ZNF550: variants seen among roughly 807,000 people sequenced by gnomAD.
The protein encoded by ZNF550 is zinc finger protein 550.
A neutral mutation model predicts 40.2 loss-of-function variants in ZNF550; 42 were observed. The observed-to-expected ratio is 1.05, with a 90% CI of 0.82 to 1.35. The LOEUF is 1.35. Ranked by LOEUF, ZNF550 falls within the 40% of genes most tolerant of loss-of-function variation. The pLI is 0.00. For synonymous variants in ZNF550, 223 were observed against 198.6 expected, an observed-to-expected ratio of 1.12 and a Z score of -1.03; for missense variants, 549 against 525.2, an observed-to-expected ratio of 1.05 and a Z score of -0.44.
chr19:57,545,580 T>C (rs2090001286), intron 4 of ZNF550, among the ~76,000 whole-genome samples: 1 of 152,138 alleles, frequency 6.6e-6, no homozygotes, highest in Non-Finnish European at 1.5e-5. Context: ...GTGAGAGTGC[T>C]GAGCATTTGA....
intron 3 of ZNF550, among the ~76,000 whole-genome samples, chr19:57,551,751 A>G (rs1267425321): frequency 6.6e-6 from 1 of 152,238 alleles, no homozygotes; most frequent in Non-Finnish European, 1.5e-5. Flanking sequence ...GGGAGAGCCC[A>G]TGACTCAGTG....
At position 57,552,703 on chromosome 19, in the gene ZNF550, T is replaced by C. The variant is rs759978088; in HGVS notation, c.174A>G (p.Pro58=). ...CATGCTCTAGCAGGTGGACCAACTC[T>C]GGTTTGGGAACCCGATGCCCTGTTG... Residue 58 remains proline, a synonymous_variant, in exon 3 of 5, where the codon CCA becomes CCG. Transcript: ENST00000457177. 3.4e-5 allele frequency: 55 copies of C among 1,598,150 alleles called. 1 individual carries two copies. In the South Asian group the frequency reaches 5.1e-4, roughly 15 times the overall value.
chr19:57,549,825 G>A (rs2090056932), intron 3 of ZNF550, among the ~76,000 whole-genome samples: 2 of 152,286 alleles, frequency 1.3e-5, no homozygotes, highest in Middle Eastern at 3.4e-3. Flanking sequence ...GCTGTGTCAG[G>A]AGGCACAATG....
At chr19:57,546,508 A>G (rs2090011142) in exon 4 of ZNF550, 1 of 989,180 alleles carries the variant, frequency 1.0e-6, no homozygotes, top group South Asian at 4.6e-5. Context: ...AGGTGGGTCA[A>G]ATTCCAGCAT....
At position 57,545,661 on chromosome 19, in the gene ZNF550, G is replaced by T. The variant is rs1462845930; in HGVS notation, c.*518+796C>A. 4.0e-5 allele frequency among the ~76,000 whole-genome samples: 6 copies of T among 150,152 alleles called. No homozygotes were observed. The East Asian group carries it at 1.2e-3, about 29-fold the overall frequency. ...ACTTTAGGAGGCTAAGCAGGATGAT[G>T]ACTTGAGTCTAGCAGTTTGAGACAA... On this transcript the variant is annotated intron_variant, in intron 4 of 4. Coordinates refer to ENST00000457177, the Ensembl canonical transcript of ZNF550.
chr19:57,556,335 A>C, exon 2 of ZNF550: 1 of 1,613,894 alleles, frequency 6.2e-7, no homozygotes, highest in Non-Finnish European at 8.5e-7. Context: ...GGTCACAGCC[A>C]CATCCTTGAA....
At chr19:57,547,342 G>C in exon 4 of ZNF550, 1 of 1,613,274 alleles carries the variant, frequency 6.2e-7, no homozygotes, top group East Asian at 2.2e-5. Context: ...GCGAATAAAA[G>C]TAGACCGGTG....
chr19:57,548,448 A>G (rs2090044067), intron 3 of ZNF550, among the ~76,000 whole-genome samples: 1 of 152,244 alleles, frequency 6.6e-6, no homozygotes. Context: ...AAGAATACAT[A>G]CAAATGGCCA....
exon 4 of ZNF550, chr19:57,546,904 G>A: frequency 6.6e-7 from 1 of 1,516,362 alleles, no homozygotes; most frequent in South Asian, 1.3e-5. Flanking sequence ...CTACAGTGTG[G>A]GTCCCATTAT....
At position 57,546,272 on chromosome 19, in the gene ZNF550, A is replaced by G. The variant is rs563080130; in HGVS notation, c.*518+185T>C. ...TATCCTCCCAGAGATGTCTGGATCA[A>G]AGGCAACTTCCAAGAAATGCCTGAA... On this transcript the variant is annotated intron_variant, in intron 4 of 4. Transcript: ENST00000457177. Among the ~76,000 whole-genome samples, 8 of 152,248 alleles carry G rather than the reference A, an allele frequency of 5.3e-5. No individual in the cohort carries two copies. In the East Asian group the frequency reaches 1.5e-3, roughly 29 times the overall value.
intron 1 of ZNF550, 65 bp from the exon 2 acceptor site, chr19:57,556,422 C>T: frequency 6.4e-7 from 1 of 1,557,628 alleles, no homozygotes; most frequent in Non-Finnish European, 8.7e-7. Context: ...GAACCTGTCA[C>T]TCAGTCTCTA....
At chr19:57,559,938 C>A (rs1344095244), upstream of ZNF550, 16 of 401,006 alleles carry the variant, frequency 4.0e-5, no homozygotes. Context: ...TAGTCTTGTC[C>A]CGTAAGAGGC....
At chr19:57,543,184 T>A (rs892971094) in exon 5 of ZNF550, 5 of 936,900 alleles carry the variant, frequency 5.3e-6, no homozygotes, top group Non-Finnish European at 6.4e-6. Flanking sequence ...TGTAGTTCTA[T>A]TATGTTTTTA....
chr19:57,542,652 T>G (rs528190829), exon 5 of ZNF550: 28 of 152,186 alleles, frequency 1.8e-4, no homozygotes, highest in Non-Finnish European at 4.0e-4. Flanking sequence ...AAAAATAATT[T>G]AATACCACAA....
At chr19:57,542,294 C>G (rs1457360996) in exon 5 of ZNF550, 2 of 148,552 alleles carry the variant, frequency 1.3e-5, no homozygotes, top group Non-Finnish European at 1.5e-5. Context: ...TAACATAATT[C>G]CAGTTACATA....
At chr19:57,542,371 T>C (rs1358968649) in exon 5 of ZNF550, 2 of 150,848 alleles carry the variant, frequency 1.3e-5, no homozygotes, top group East Asian at 3.9e-4. Flanking sequence ...CATAAGTTTA[T>C]TTAGAACATA....
intron 4 of ZNF550, among the ~76,000 whole-genome samples, chr19:57,545,510 G>A (rs1286791518): frequency 2.0e-5 from 3 of 152,182 alleles, no homozygotes; most frequent in Admixed American, 6.5e-5. Context: ...AGTACAAAGT[G>A]ATCACTATGT....
chr19:57,547,382 CAT>C lies in ZNF550; in HGVS notation c.860_861del (p.Tyr287Ter). On this transcript the variant is annotated frameshift_variant, in exon 4 of 5. Transcript: ENST00000457177. LOFTEE classifies it high-confidence loss of function. ...AAGGCCTTTCGACATTGACTACACTCATAGGGTTTCTCTCCAGTGTGGATTGG... is the reference window on the plus strand; with the variant it reads ...AAGGCCTTTCGACATTGACTACACTCAGGGTTTCTCTCCAGTGTGGATTGG... 1.2e-6 allele frequency: 2 copies of C among 1,612,980 alleles called. No homozygotes were observed. Among genetic ancestry groups the C allele is most frequent in the Non-Finnish European group, 1.7e-6 (2 of 1,179,182 alleles).
chr19:57,546,018 AAAT>A (rs1050348875), intron 4 of ZNF550, among the ~76,000 whole-genome samples: 8 of 151,928 alleles, frequency 5.3e-5, no homozygotes, highest in Non-Finnish European at 1.2e-4. Context: ...GTCTCTTAAA[AAAT>A]AATGAGTTTA....
Sources: gnomAD v4.1 joint callset for allele counts (sites outside exome capture counted in the v4.1 genomes callset) on GRCh38, gnomAD v4.1.1 for gene constraint, MANE v1.5 for transcripts, NCBI Gene and HGNC (gene_info 2026-07-23, HGNC 2026-07-21) for gene names.